The following CDH4 variants were observed in gnomAD, a reference collection of about 807,000 sequenced individuals.
The protein encoded by CDH4 is cadherin-4.
In CDH4, 33 loss-of-function variants were observed where a neutral mutation model predicts 86.0. That is an observed-to-expected ratio of 0.38 (90% CI 0.29 to 0.51). The LOEUF (loss-of-function observed/expected upper bound fraction) is 0.51, where lower values mean the gene tolerates loss of function less well. Ranked by LOEUF, CDH4 falls within the 20% of genes least tolerant of loss-of-function variation. The probability of loss-of-function intolerance (pLI) is 0.86; values close to 1 mark genes in which losing one functional copy is unlikely to be tolerated. For missense variants in CDH4, 1,114 were observed against 1,307.4 expected, an observed-to-expected ratio of 0.85 and a Z score of 2.28; for synonymous variants, 555 against 549.4, an observed-to-expected ratio of 1.01 and a Z score of -0.14.
intron 9 of CDH4, among the ~76,000 whole-genome samples, chr20:61,921,723 G>GC (rs1415811617): frequency 1.3e-3 from 1 of 790 alleles, no homozygotes; most frequent in Non-Finnish European, 0.019. Context: ...CTGCACTCCA[G>GC]CCTGGCAATG....
chr20:61,907,074 A>C (rs2054797831), intron 8 of CDH4, among the ~76,000 whole-genome samples: 9 of 148,734 alleles, frequency 6.1e-5, no homozygotes, highest in South Asian at 2.2e-4. Context: ...TCCCACCACC[A>C]CCTCTGCCTG....
At chr20:61,414,374 C>G (rs933366248) in intron 2 of CDH4, among the ~76,000 whole-genome samples, 3 of 152,210 alleles carry the variant, frequency 2.0e-5, no homozygotes, top group Admixed American at 6.5e-5. Context: ...ATTTGGGCCA[C>G]TGAGTCCTCT....
At chr20:61,322,822 C>T (rs1037256679) in intron 2 of CDH4, among the ~76,000 whole-genome samples, 1 of 152,212 alleles carries the variant, frequency 6.6e-6, no homozygotes, top group African/African-American at 2.4e-5. Context: ...TCCCAGTGGA[C>T]TTGTGCAGAG....
rs189903507 is a variant in CDH4 at position 61,662,659 on chromosome 20, T to C, written c.170-80904T>C. Among the ~76,000 whole-genome samples the C allele has an allele frequency of 5.4e-3, 822 of 152,184 alleles. 9 individuals carry two copies. The highest frequency in any genetic ancestry group is 0.018 in the South Asian group (87 of 4,822). ...CAAGTGCACTCAGTCCCCAGGCTGA[T>C]TAGAGAGAGGAACGGACAGTGTCTG... On this transcript the variant is annotated intron_variant, in intron 2 of 15. Transcript: ENST00000614565.
chr20:61,443,312 GGCT>G (rs1258038941), intron 2 of CDH4, among the ~76,000 whole-genome samples: 1 of 152,188 alleles, frequency 6.6e-6, no homozygotes, highest in Non-Finnish European at 1.5e-5. Context: ...CCTGAAATGT[GGCT>G]GCTATTTTAG....
At chr20:61,756,786 G>A (rs898787315) in intron 3 of CDH4, among the ~76,000 whole-genome samples, 1 of 152,098 alleles carries the variant, frequency 6.6e-6, no homozygotes, top group African/African-American at 2.4e-5. Flanking sequence ...TAACTGAAGG[G>A]GGCTACAGGT....
intron 2 of CDH4, among the ~76,000 whole-genome samples, chr20:61,325,753 C>G (rs990348673): frequency 2.0e-5 from 3 of 152,154 alleles, no homozygotes; most frequent in South Asian, 2.1e-4. Context: ...GAAAAAAAAG[C>G]AGCGCTGTCT....
At chr20:61,275,824 T>C (rs1336653475) in intron 2 of CDH4, among the ~76,000 whole-genome samples, 2 of 152,292 alleles carry the variant, frequency 1.3e-5, no homozygotes, top group East Asian at 1.9e-4. Context: ...CAAACACTTA[T>C]CTACTGATTT....
chr20:61,429,688 T>C (rs765411407), intron 2 of CDH4, among the ~76,000 whole-genome samples: 10 of 151,022 alleles, frequency 6.6e-5, no homozygotes, highest in Admixed American at 2.6e-4. Context: ...GGTGGATAGA[T>C]GGGTGGATGG....
intron 2 of CDH4, chr20:61,570,093 G>C (rs1036315431): frequency 6.6e-6 from 1 of 152,608 alleles, no homozygotes. Flanking sequence ...CAGGGAAAAT[G>C]AGCTTCTTGC....
At chr20:61,469,405 T>G (rs1460245267) in intron 2 of CDH4, among the ~76,000 whole-genome samples, 3 of 152,156 alleles carry the variant, frequency 2.0e-5, no homozygotes, top group Non-Finnish European at 4.4e-5. Flanking sequence ...AAAAACCAGA[T>G]TATTAGATTC....
intron 2 of CDH4, among the ~76,000 whole-genome samples, chr20:61,412,550 G>A (rs1462652079): frequency 6.6e-6 from 1 of 152,138 alleles, no homozygotes; most frequent in Non-Finnish European, 1.5e-5. Context: ...ACAGAGAGGT[G>A]GAGGAGGGAT....
intron 2 of CDH4, among the ~76,000 whole-genome samples, chr20:61,728,499 G>A (rs2088140956): frequency 6.6e-6 from 1 of 152,152 alleles, no homozygotes; most frequent in Non-Finnish European, 1.5e-5. Context: ...CGTGAGGGTG[G>A]GGAGTGGCAG....
At chr20:61,464,375 T>C (rs962250025) in intron 2 of CDH4, among the ~76,000 whole-genome samples, 1 of 152,212 alleles carries the variant, frequency 6.6e-6, no homozygotes, top group Non-Finnish European at 1.5e-5. Context: ...TGGAGTCTGT[T>C]CTAGGCTATG....
intron 2 of CDH4, among the ~76,000 whole-genome samples, chr20:61,444,151 T>C (rs1439093647): frequency 2.6e-5 from 4 of 151,972 alleles, no homozygotes; most frequent in East Asian, 3.9e-4. Context: ...TGTGTGTGTA[T>C]GTCTGTATCT....
chr20:61,385,915 A>G (rs2084948701), intron 2 of CDH4, among the ~76,000 whole-genome samples: 1 of 152,170 alleles, frequency 6.6e-6, no homozygotes, highest in African/African-American at 2.4e-5. Context: ...GCTGCGGTTC[A>G]TGCATCATGT....
At chr20:61,765,243 C>T (rs558334689) in intron 3 of CDH4, among the ~76,000 whole-genome samples, 19 of 146,404 alleles carry the variant, frequency 1.3e-4, no homozygotes, top group African/African-American at 4.1e-4. Flanking sequence ...CGAGGATGGA[C>T]CTCCCACAGC....
In CDH4 at chr20:61,633,824, G is replaced by A. The variant is rs544112995; in HGVS notation, c.170-109739G>A. Among the ~76,000 whole-genome samples the A allele has an allele frequency of 2.6e-5, 4 of 152,288 alleles. No homozygotes were observed. In the South Asian group the frequency reaches 8.3e-4, roughly 32 times the overall value. ...CAGTGATGTAGCCTGCAGTTAATGT[G>A]CACTGAGTGCCATCTCCCCCCCAGC... On this transcript the variant is annotated intron_variant, in intron 2 of 15. Transcript: ENST00000614565.
At position 61,654,074 on chromosome 20, in the gene CDH4, G is replaced by A. The variant is rs1600843683; in HGVS notation, c.170-89489G>A. Among the ~76,000 whole-genome samples the A allele has an allele frequency of 3.3e-5, 5 of 151,962 alleles. No individual in the cohort carries two copies. In the South Asian group the frequency reaches 8.3e-4, roughly 25 times the overall value. On this transcript the variant is annotated intron_variant, in intron 2 of 15. Transcript: ENST00000614565. ...GGCACTTTGGGAGGCCAAGGCAGGC[G>A]GCTGGGAGGTGGAGGTTGTAGCGAG...
Sources: allele counts gnomAD v4.1 joint callset (sites outside exome capture counted in the v4.1 genomes callset), GRCh38; gene constraint gnomAD v4.1.1; transcripts MANE v1.5; gene names NCBI Gene and HGNC (gene_info 2026-07-23, HGNC 2026-07-21).